Variants in HDAC4 observed in about 807,000 individuals in gnomAD.
HDAC4 encodes histone deacetylase 4, also known as histone deacetylase A.
Under a neutral mutation model 135.1 loss-of-function variants are expected in HDAC4, and 16 were observed. That is an observed-to-expected ratio of 0.12 (90% CI 0.08 to 0.18). The LOEUF (loss-of-function observed/expected upper bound fraction) is 0.18, where lower values mean the gene tolerates loss of function less well. Among genes scored for constraint, HDAC4 ranks in the 10% least tolerant of loss-of-function variants. HDAC4 has a pLI of 1.00. For synonymous variants in HDAC4, 685 were observed against 653.4 expected (o/e 1.05, Z -0.74); for missense variants, 1,143 against 1,511.8 (o/e 0.76, Z 4.05).
At chr2:239,377,502 G>A (rs542319576) in intron 1 of HDAC4, among the ~76,000 whole-genome samples, 30 of 152,214 alleles carry the variant, frequency 2.0e-4, no homozygotes, top group African/African-American at 5.8e-4. Context: ...TGTCTTCTAT[G>A]CAGATCTCCA....
chr2:239,350,149 A>C (rs937448155), intron 2 of HDAC4, among the ~76,000 whole-genome samples: 2 of 152,190 alleles, frequency 1.3e-5, no homozygotes, highest in Non-Finnish European at 2.9e-5. Context: ...AAAGAAACCA[A>C]GGGTAGAAAT....
intron 1 of HDAC4, among the ~76,000 whole-genome samples, chr2:239,353,162 T>C (rs1693271809): frequency 6.6e-6 from 1 of 152,136 alleles, no homozygotes; most frequent in South Asian, 2.1e-4. Flanking sequence ...CACAGGTGCA[T>C]GCCACCAGGC....
rs748427749 is a variant in HDAC4, at chr2:239,139,759, G to A, written c.903C>T (p.Ser301=). ...CGCTCCCGGAGCTGTTGTTGGGTGAGCTGGGTCCGGAGCCTGGGGCGCTGC... is the reference window on the plus strand; with the variant it reads ...CGCTCCCGGAGCTGTTGTTGGGTGAACTGGGTCCGGAGCCTGGGGCGCTGC... The part of the protein sequence containing the change: ...ACSSAPGSGP[S]SPNNSSGSVS... Residue 301 remains serine (S), a synonymous_variant, in exon 9 of 27, where the codon AGC becomes AGT. Transcript: ENST00000543185. The surrounding 1 kb of genome is among the most constrained non-coding windows in gnomAD (Gnocchi z 5.3). 1 of 1,614,120 alleles carries A rather than the reference G, an allele frequency of 6.2e-7. No homozygotes were observed. Among genetic ancestry groups the A allele is most frequent in the South Asian group, 1.1e-5 (1 of 91,076 alleles).
Position 239,052,240 on chromosome 2 carries a change from C to G in HDAC4, c.*857G>C, listed in dbSNP as rs532385558. On this transcript the variant is annotated 3_prime_UTR_variant, in exon 27 of 27. Coordinates refer to ENST00000543185, the MANE Select transcript of HDAC4 (RefSeq NM_001378414.1). The stretch of plus-strand genomic sequence containing the variant: ...ACCGCCGGGCTGCAGCCCCTGGCCC[C>G]GGAGATGACGGCTGGTGCCCGTGCT... The G allele has an allele frequency of 1.3e-5, 2 of 152,348 alleles. No individual in the cohort carries two copies. Among genetic ancestry groups the G allele is most frequent in the Non-Finnish European group, 2.9e-5 (2 of 68,038 alleles). 9.4% of individuals were successfully genotyped at this position (152,348 alleles called of 1,614,324 possible).
intron 22 of HDAC4, among the ~76,000 whole-genome samples, chr2:239,074,823 C>G (rs534713027): frequency 1.3e-5 from 2 of 152,228 alleles, no homozygotes; most frequent in Non-Finnish European, 2.9e-5. Flanking sequence ...TTACCCTCCA[C>G]GACTTTCCTA....
At chr2:239,263,985 G>GT (rs750903397) in intron 2 of HDAC4, among the ~76,000 whole-genome samples, 1 of 152,192 alleles carries the variant, frequency 6.6e-6, no homozygotes, top group Non-Finnish European at 1.5e-5. Context: ...CTGAGAGCCA[G>GT]TGGCTTACTC....
At chr2:239,121,004 T>TC (rs1007947009) in intron 12 of HDAC4, among the ~76,000 whole-genome samples, 1 of 149,256 alleles carries the variant, frequency 6.7e-6, no homozygotes, top group Non-Finnish European at 1.5e-5. Context: ...AAATTTCTTT[T>TC]TTTTTTTTTT....
chr2:239,190,111 G>A (rs768705923), intron 3 of HDAC4, 34 bp from the exon 4 acceptor site: 1 of 1,571,458 alleles, frequency 6.4e-7, no homozygotes, highest in Admixed American at 1.7e-5. Flanking sequence ...GCCGGTCACT[G>A]CCGCCCTTTG....
chr2:239,286,794 T>C lies in HDAC4; in HGVS notation c.23-50130A>G, dbSNP rs114305492. Among the ~76,000 whole-genome samples the C allele has an allele frequency of 8.5e-3, 1,297 of 152,084 alleles. 8 individuals carry two copies. The highest frequency in any genetic ancestry group is 0.011 in the Non-Finnish European group (756 of 68,000). ...GTAGGCCGGCCAAGGATGAGAAGAATACACCAAACGTGATGAAAGGAGAAA... is the reference window on the plus strand; with the variant it reads ...GTAGGCCGGCCAAGGATGAGAAGAACACACCAAACGTGATGAAAGGAGAAA... On this transcript the variant is annotated intron_variant, in intron 2 of 26. Coordinates refer to ENST00000543185, the MANE Select transcript of HDAC4 (RefSeq NM_001378414.1).
intron 22 of HDAC4, among the ~76,000 whole-genome samples, chr2:239,075,320 A>G (rs1574922727): frequency 6.8e-6 from 1 of 147,696 alleles, no homozygotes; most frequent in African/African-American, 2.5e-5. Context: ...CACTTTAAGG[A>G]GAGTATTTCC....
rs1457862710 is a variant in HDAC4, at chr2:239,052,618, T to A, written c.*479A>T. 5.9e-6 allele frequency: 1 copy of A among 169,156 alleles called. No homozygotes were observed. 10.5% of individuals were successfully genotyped at this position (169,156 alleles called of 1,614,324 possible). On this transcript the variant is annotated 3_prime_UTR_variant, in exon 27 of 27. Transcript: ENST00000543185. The stretch of plus-strand genomic sequence containing the variant: ...AGAAAACGTCCTCTTTAAAAAAAAA[T>A]AAGCTACAAGATGAGTCGAGTGGTT...
At chr2:239,221,609 G>GACACACAC (rs3838519) in intron 3 of HDAC4, among the ~76,000 whole-genome samples, 7 of 148,990 alleles carry the variant, frequency 4.7e-5, no homozygotes, top group Admixed American at 6.7e-5. Flanking sequence ...CTGAGAGTGG[G>GACACACAC]ACACACACAC....
chr2:239,225,439 G>A lies in HDAC4; in HGVS notation c.94+11154C>T, dbSNP rs191510476. Among the ~76,000 whole-genome samples, 414 of 152,386 alleles carry A rather than the reference G, an allele frequency of 2.7e-3. 2 individuals are homozygous for A. Among genetic ancestry groups the A allele is most frequent in the Non-Finnish European group, 4.7e-3 (322 of 68,040 alleles). ...AACAGAGAACACACCCACAAGAGCA[G>A]ATCCACGAAGGCAGAAGTCGGTCTG... On this transcript the variant is annotated intron_variant, in intron 3 of 26. Coordinates refer to ENST00000543185, the MANE Select transcript of HDAC4 (RefSeq NM_001378414.1).
intron 1 of HDAC4, among the ~76,000 whole-genome samples, chr2:239,374,084 GAGAACAGTGATGCTAT>G (rs1249189716): frequency 6.6e-6 from 1 of 152,234 alleles, no homozygotes; most frequent in East Asian, 1.9e-4. Context: ...GAGGGACACT[GAGAACAGTGATGCTAT>G]GGCGTCCGCA....
At chr2:239,290,811 C>T (rs1158785025) in intron 2 of HDAC4, among the ~76,000 whole-genome samples, 3 of 152,290 alleles carry the variant, frequency 2.0e-5, no homozygotes, top group South Asian at 2.1e-4. Flanking sequence ...TGGGGAGGGC[C>T]GGGGTTCTAT....
At chr2:239,335,788 T>C (rs1032841711) in intron 2 of HDAC4, among the ~76,000 whole-genome samples, 1 of 152,152 alleles carries the variant, frequency 6.6e-6, no homozygotes, top group Admixed American at 6.5e-5. Flanking sequence ...TGAAAAAGAA[T>C]TACAGTACCA....
At chr2:239,298,693 A>G in intron 2 of HDAC4, 1 of 853,342 alleles carries the variant, frequency 1.2e-6, no homozygotes, top group South Asian at 5.3e-5. Flanking sequence ...ACAACGTGGA[A>G]ATCATGACAC....
chr2:239,148,183 TG>T (rs1288526013), intron 7 of HDAC4, among the ~76,000 whole-genome samples: 5 of 152,164 alleles, frequency 3.3e-5, no homozygotes, highest in Non-Finnish European at 5.9e-5. Flanking sequence ...TGCTTCCAGC[TG>T]CTCTGCCCTG....
chr2:239,180,395 G>A (rs1244233914), intron 4 of HDAC4, among the ~76,000 whole-genome samples: 6 of 151,828 alleles, frequency 4.0e-5, no homozygotes, highest in African/African-American at 1.2e-4. Context: ...GGACTCAGCC[G>A]GTTTCCACGA....
Sources: gnomAD v4.1 joint callset for allele counts (sites outside exome capture counted in the v4.1 genomes callset) on GRCh38, gnomAD v4.1.1 for gene constraint, Gnocchi (gnomAD v3.1) non-coding constraint, MANE v1.5 for transcripts, NCBI Gene and HGNC (gene_info 2026-07-23, HGNC 2026-07-21) for gene names.